The following RAB10 variants were observed in gnomAD, a reference collection of about 807,000 sequenced individuals.
RAB10 encodes the protein RAB10, member RAS oncogene family.
RAB10 carries 5 observed loss-of-function variants against 25.7 expected under a neutral mutation model. The observed-to-expected ratio is 0.19, with a 90% CI of 0.10 to 0.41. RAB10 has a LOEUF of 0.41. Among genes scored for constraint, RAB10 ranks in the 10% least tolerant of loss-of-function variants. The pLI is 1.00. For synonymous variants in RAB10, 89 were observed against 86.4 expected, an observed-to-expected ratio of 1.03 and a Z score of -0.16; for missense variants, 103 against 245.8, an observed-to-expected ratio of 0.42 and a Z score of 3.89.
intron 3 of RAB10, among the ~76,000 whole-genome samples, chr2:26,123,287 A>C (rs1259058983): frequency 6.6e-6 from 1 of 152,202 alleles, no homozygotes; most frequent in Admixed American, 6.5e-5. Flanking sequence ...GAAGTGGTCT[A>C]CTTGCCCCCG....
intron 3 of RAB10, among the ~76,000 whole-genome samples, chr2:26,116,835 C>T (rs1245230023): frequency 6.6e-6 from 1 of 151,300 alleles, no homozygotes. Flanking sequence ...GGATTACAGG[C>T]GTGAGCCACC....
At chr2:26,068,077 G>T (rs1666550430) in intron 1 of RAB10, among the ~76,000 whole-genome samples, 1 of 152,176 alleles carries the variant, frequency 6.6e-6, no homozygotes, top group East Asian at 1.9e-4. Flanking sequence ...GTGGCCTAGA[G>T]AATGCTGTCC....
chr2:26,054,060 T>G (rs1297414924), intron 1 of RAB10, among the ~76,000 whole-genome samples: 2 of 148,958 alleles, frequency 1.3e-5, no homozygotes, highest in African/African-American at 5.0e-5. Context: ...TTTTTCCTGT[T>G]TTTTTGAGCT....
chr2:26,114,634 T>C (rs1667643820), intron 3 of RAB10, among the ~76,000 whole-genome samples: 1 of 151,406 alleles, frequency 6.6e-6, no homozygotes, highest in African/African-American at 2.4e-5. Flanking sequence ...CCCACACCTG[T>C]AATCCCAACA....
rs185930966 is a variant in RAB10 at position 26,135,903 on chromosome 2, G to C, written c.*882G>C. On this transcript the variant is annotated 3_prime_UTR_variant, in exon 6 of 6. Transcript: ENST00000264710. ...TTAATATAAAGCACTGATGTAACTTGCTAGGTAAACGGAAAGATAAGTTCT... is the reference window on the plus strand; with the variant it reads ...TTAATATAAAGCACTGATGTAACTTCCTAGGTAAACGGAAAGATAAGTTCT... The C allele has an allele frequency of 6.6e-6, 1 of 152,596 alleles. No homozygotes were observed. The highest frequency in any genetic ancestry group is 1.5e-5 in the Non-Finnish European group (1 of 68,040). 9.5% of individuals were successfully genotyped at this position (152,596 alleles called of 1,614,324 possible).
At chr2:26,080,484 C>T (rs1270778722) in intron 1 of RAB10, among the ~76,000 whole-genome samples, 1 of 151,992 alleles carries the variant, frequency 6.6e-6, no homozygotes, top group Admixed American at 6.6e-5. Context: ...ACTTCTCCAC[C>T]CCCAAATGCA....
At chr2:26,104,721 G>C (rs1418246525) in intron 2 of RAB10, among the ~76,000 whole-genome samples, 1 of 150,670 alleles carries the variant, frequency 6.6e-6, no homozygotes, top group African/African-American at 2.4e-5. Context: ...TTTAGGTCTT[G>C]ATCTGTTTTG....
chr2:26,042,823 A>G (rs1665920560), intron 1 of RAB10: 1 of 152,258 alleles, frequency 6.6e-6, no homozygotes, highest in Non-Finnish European at 1.5e-5. Flanking sequence ...TCTCCAAAGA[A>G]GCTAAGCAGA....
Position 26,045,456 on chromosome 2 carries a change from GTCTCGA to G in RAB10, c.127+10726_127+10731del, listed in dbSNP as rs1367979288. ...GGGTTTCACTGTGTTAGCCAGGATGGTCTCGATCTCCTGACCTCATGATCCGCCCGC... is the reference window on the plus strand; with the variant it reads ...GGGTTTCACTGTGTTAGCCAGGATGGTCTCCTGACCTCATGATCCGCCCGC... On this transcript the variant is annotated intron_variant, in intron 1 of 5. Coordinates refer to ENST00000264710, the MANE Select transcript of RAB10 (RefSeq NM_016131.5). Among the ~76,000 whole-genome samples, 19 of 151,902 alleles carry G rather than the reference GTCTCGA, an allele frequency of 1.3e-4. No individual in the cohort carries two copies. In the South Asian group the frequency reaches 3.3e-3, roughly 27 times the overall value.
At chr2:26,115,554 T>C (rs1188402689) in intron 3 of RAB10, among the ~76,000 whole-genome samples, 1 of 152,102 alleles carries the variant, frequency 6.6e-6, no homozygotes, top group East Asian at 1.9e-4. Flanking sequence ...AGAAAGTAGA[T>C]TCATGATTGC....
intron 3 of RAB10, among the ~76,000 whole-genome samples, chr2:26,110,183 T>C (rs187495453): frequency 8.4e-4 from 128 of 151,940 alleles, no homozygotes; most frequent in Non-Finnish European, 1.5e-3. Context: ...CTAAAAATTA[T>C]AAAAATCAGC....
chr2:26,100,213 AAAG>A (rs1667314537), intron 2 of RAB10, among the ~76,000 whole-genome samples: 1 of 152,214 alleles, frequency 6.6e-6, no homozygotes, highest in Non-Finnish European at 1.5e-5. Flanking sequence ...CCAATAAGCA[AAAG>A]AAGGTGTTAA....
chr2:26,128,262 G>A (rs1218855211), intron 5 of RAB10, among the ~76,000 whole-genome samples: 1 of 152,208 alleles, frequency 6.6e-6, no homozygotes, highest in African/African-American at 2.4e-5. Flanking sequence ...ACTCCTATGA[G>A]AATCTAATGC....
Position 26,097,140 on chromosome 2 carries a change from C to T in RAB10, c.128-1522C>T, listed in dbSNP as rs561545437. Among the ~76,000 whole-genome samples the T allele has an allele frequency of 5.3e-5, 8 of 152,250 alleles. No individual in the cohort carries two copies. The East Asian group carries it at 1.2e-3, about 22-fold the overall frequency. The stretch of plus-strand genomic sequence containing the variant: ...GCTGAGGTAAGAGGATCACTTAAGC[C>T]GGGAAGTGGAGGTTACAGTGAGCTG... On this transcript the variant is annotated intron_variant, in intron 1 of 5. Coordinates refer to ENST00000264710, the MANE Select transcript of RAB10 (RefSeq NM_016131.5).
chr2:26,102,519 A>G (rs1170623405), intron 2 of RAB10, among the ~76,000 whole-genome samples: 2 of 151,078 alleles, frequency 1.3e-5, no homozygotes, highest in African/African-American at 2.4e-5. Context: ...GCTCACTGCA[A>G]GCTCTGCCTC....
chr2:26,087,012 GA>G (rs1667001908), intron 1 of RAB10, among the ~76,000 whole-genome samples: 1 of 152,160 alleles, frequency 6.6e-6, no homozygotes, highest in Non-Finnish European at 1.5e-5. Flanking sequence ...GGGTCGTTTT[GA>G]GGTGATGAAA....
At chr2:26,116,417 G>GTATATGTC (rs1667688992) in intron 3 of RAB10, among the ~76,000 whole-genome samples, 1 of 151,922 alleles carries the variant, frequency 6.6e-6, no homozygotes, top group Non-Finnish European at 1.5e-5. Flanking sequence ...AGCCTTCTTT[G>GTATATGTC]TATATGTCTG....
rs530623391 is a variant in RAB10 at position 26,083,624 on chromosome 2, C to T, written c.128-15038C>T. The stretch of plus-strand genomic sequence containing the variant: ...GATTACAAGTGTGTGCCACCACACC[C>T]GGTTAATTTTTTGTATGCTAGTAGC... On this transcript the variant is annotated intron_variant, in intron 1 of 5. Transcript: ENST00000264710. Among the ~76,000 whole-genome samples the T allele has an allele frequency of 4.6e-4, 70 of 152,046 alleles. 3 individuals carry two copies. In the South Asian group the frequency reaches 0.012, roughly 27 times the overall value.
rs565503158 is a variant in RAB10, at chr2:26,042,937, TAACAAC to T, written c.127+8211_127+8216del. ...ACTTTGCGACCATTTAGGATAGTTATAACAACAACAACAAACGACAAAAGCAAGTGA... is the reference window on the plus strand; with the variant it reads ...ACTTTGCGACCATTTAGGATAGTTATAACAACAAACGACAAAAGCAAGTGA... On this transcript the variant is annotated intron_variant, in intron 1 of 5. Transcript: ENST00000264710. Among the ~76,000 whole-genome samples the T allele has an allele frequency of 5.4e-3, 822 of 152,172 alleles. 8 individuals are homozygous for T. Among genetic ancestry groups the T allele is most frequent in the African/African-American group, 0.019 (769 of 41,528 alleles).
Sources: gnomAD v4.1 joint callset for allele counts (sites outside exome capture counted in the v4.1 genomes callset) on GRCh38, gnomAD v4.1.1 for gene constraint, MANE v1.5 for transcripts, NCBI Gene and HGNC (gene_info 2026-07-23, HGNC 2026-07-21) for gene names.